GRID1: variants seen among roughly 807,000 people sequenced by gnomAD.
GRID1 encodes the protein glutamate ionotropic receptor delta type subunit 1.
Under a neutral mutation model 98.0 loss-of-function variants are expected in GRID1, and 28 were observed. The ratio of observed to expected loss-of-function variants is 0.29; its 90% confidence interval spans 0.21 to 0.39. GRID1 has a LOEUF of 0.39. Ranked by LOEUF, GRID1 falls within the 10% of genes least tolerant of loss-of-function variation. The probability of loss-of-function intolerance (pLI) is 1.00; values close to 1 mark genes in which losing one functional copy is unlikely to be tolerated. For missense variants in GRID1, 1,111 were observed against 1,340.5 expected, an observed-to-expected ratio of 0.83 and a Z score of 2.67; for synonymous variants, 553 against 538.5, an observed-to-expected ratio of 1.03 and a Z score of -0.37.
intron 2 of GRID1, among the ~76,000 whole-genome samples, chr10:86,254,485 A>T (rs912276827): frequency 1.3e-5 from 2 of 152,244 alleles, no homozygotes; most frequent in African/African-American, 4.8e-5. Context: ...TTTTGACAAG[A>T]TCCAGGTGAC....
chr10:85,895,761 G>A (rs1841284739), intron 5 of GRID1, among the ~76,000 whole-genome samples: 1 of 152,156 alleles, frequency 6.6e-6, no homozygotes, highest in African/African-American at 2.4e-5. Flanking sequence ...GAGGCACATA[G>A]TCTTAATGAT....
At chr10:86,263,503 A>G (rs1847053062) in intron 2 of GRID1, among the ~76,000 whole-genome samples, 1 of 152,206 alleles carries the variant, frequency 6.6e-6, no homozygotes, top group African/African-American at 2.4e-5. Flanking sequence ...TTTCACCTGC[A>G]GAACAAGCCG....
chr10:85,762,058 C>T (rs1243221097), intron 8 of GRID1, among the ~76,000 whole-genome samples: 3 of 152,298 alleles, frequency 2.0e-5, no homozygotes, highest in African/African-American at 7.2e-5. Flanking sequence ...ATACTTCCTC[C>T]CATTTGCTCC....
At chr10:85,791,673 G>A (rs185390694) in intron 8 of GRID1, among the ~76,000 whole-genome samples, 6 of 152,204 alleles carry the variant, frequency 3.9e-5, no homozygotes, top group Middle Eastern at 3.4e-3. Flanking sequence ...TGTAACAATC[G>A]ATCACAAGGA....
intron 8 of GRID1, among the ~76,000 whole-genome samples, chr10:85,792,571 C>G (rs1054672593): frequency 6.6e-6 from 1 of 152,126 alleles, no homozygotes; most frequent in Non-Finnish European, 1.5e-5. Context: ...TGAGAGGTGC[C>G]GAAGGCCTCA....
chr10:86,283,663 C>A (rs867500318), intron 2 of GRID1, among the ~76,000 whole-genome samples: 1 of 151,630 alleles, frequency 6.6e-6, no homozygotes, highest in African/African-American at 2.4e-5. Flanking sequence ...CACATACAAC[C>A]TGCCCTTACA....
chr10:86,050,359 T>C (rs1381110286), intron 4 of GRID1, among the ~76,000 whole-genome samples: 1 of 152,234 alleles, frequency 6.6e-6, no homozygotes, highest in East Asian at 1.9e-4. Context: ...ATTTTACACA[T>C]TTTAAACATT....
chr10:85,962,954 T>C (rs755476966), intron 4 of GRID1, among the ~76,000 whole-genome samples: 8 of 152,156 alleles, frequency 5.3e-5, no homozygotes, highest in Non-Finnish European at 1.0e-4. Flanking sequence ...AAATGGATAA[T>C]TTTAAAGTAA....
chr10:86,225,433 T>C (rs143690585), intron 2 of GRID1, among the ~76,000 whole-genome samples: 1 of 152,356 alleles, frequency 6.6e-6, no homozygotes, highest in Non-Finnish European at 1.5e-5. Flanking sequence ...CGTTTAAGCA[T>C]AATCGTATTC....
At chr10:86,065,361 C>A (rs1302215742) in intron 4 of GRID1, among the ~76,000 whole-genome samples, 1 of 152,244 alleles carries the variant, frequency 6.6e-6, no homozygotes, top group Non-Finnish European at 1.5e-5. Context: ...ACTTCTGCTG[C>A]AGCTCTGTGG....
intron 12 of GRID1, among the ~76,000 whole-genome samples, chr10:85,714,883 GA>G (rs533864009): frequency 6.6e-6 from 1 of 151,518 alleles, no homozygotes; most frequent in Non-Finnish European, 1.5e-5. Context: ...CACAGAAATG[GA>G]AAAAAAATCG....
chr10:85,857,083 G>A (rs1384464052), intron 6 of GRID1, among the ~76,000 whole-genome samples: 1 of 152,252 alleles, frequency 6.6e-6, no homozygotes, highest in African/African-American at 2.4e-5. Context: ...TGAGTGACGA[G>A]GTAACAGTGA....
At chr10:86,275,673 A>G (rs1234024736) in intron 2 of GRID1, among the ~76,000 whole-genome samples, 1 of 152,162 alleles carries the variant, frequency 6.6e-6, no homozygotes, top group Non-Finnish European at 1.5e-5. Flanking sequence ...GCAGATTTGA[A>G]CAGACAGAAG....
At chr10:85,977,907 A>AATGATGGACAT (rs1842493904) in intron 4 of GRID1, among the ~76,000 whole-genome samples, 1 of 152,132 alleles carries the variant, frequency 6.6e-6, no homozygotes, top group African/African-American at 2.4e-5. Context: ...GGTCTGGTCT[A>AATGATGGACAT]TCTAGTGCCC....
At chr10:85,794,360 G>A (rs2132745266) in intron 8 of GRID1, among the ~76,000 whole-genome samples, 2 of 152,328 alleles carry the variant, frequency 1.3e-5, no homozygotes, top group East Asian at 3.9e-4. Flanking sequence ...CAGAGCATCG[G>A]TGCTAAAGAG....
chr10:86,022,242 C>T (rs551903726), intron 4 of GRID1, among the ~76,000 whole-genome samples: 1 of 152,302 alleles, frequency 6.6e-6, no homozygotes, highest in South Asian at 2.1e-4. Context: ...AGAAGAGTCA[C>T]ATAATCAAGT....
intron 2 of GRID1, among the ~76,000 whole-genome samples, chr10:86,259,334 TCTCTCTC>T (rs769977054): frequency 6.6e-6 from 1 of 152,216 alleles, no homozygotes; most frequent in Non-Finnish European, 1.5e-5. Flanking sequence ...TACCTCTCTC[TCTCTCTC>T]CTCTCTCCTT....
intron 8 of GRID1, among the ~76,000 whole-genome samples, chr10:85,746,791 T>C (rs926222539): frequency 1.3e-5 from 2 of 152,104 alleles, no homozygotes; most frequent in African/African-American, 4.8e-5. Flanking sequence ...GAATCTATGA[T>C]ATATAATAAA....
rs376288425 is a variant in GRID1 at position 86,081,908 on chromosome 10, T to G, written c.726+56911A>C. On this transcript the variant is annotated intron_variant, in intron 4 of 15. Transcript: ENST00000327946. ...GCAGTGATATTATTCTGCATACTAC[T>G]AATAATGGTGAACTTATGTCATTAC... Among the ~76,000 whole-genome samples, 14 of 151,788 alleles carry G rather than the reference T, an allele frequency of 9.2e-5. No homozygotes were observed. The South Asian group carries it at 2.7e-3, about 29-fold the overall frequency.
Sources: gnomAD v4.1 joint callset for allele counts (sites outside exome capture counted in the v4.1 genomes callset) on GRCh38, gnomAD v4.1.1 for gene constraint, MANE v1.5 for transcripts, NCBI Gene and HGNC (gene_info 2026-07-23, HGNC 2026-07-21) for gene names.